Variants in DNAH8 observed in about 807,000 individuals in gnomAD.
DNAH8 encodes the protein dynein axonemal heavy chain 8, also known as axonemal beta dynein heavy chain 8.
In DNAH8, 382 loss-of-function variants were observed where a neutral mutation model predicts 562.1. The ratio of observed to expected loss-of-function variants is 0.68; its 90% CI spans 0.63 to 0.74. The LOEUF is 0.74. DNAH8 is among the 30% of genes least tolerant of loss of function. The pLI, the probability that DNAH8 is intolerant of heterozygous loss-of-function variation, is 0.00. For synonymous variants in DNAH8, 1,881 were observed against 1,919.4 expected, an observed-to-expected ratio of 0.98 and a Z score of 0.52; for missense variants, 5,203 against 5,620.4, an observed-to-expected ratio of 0.93 and a Z score of 2.37.
At chr6:38,786,989 A>G (rs764384935) in intron 18 of DNAH8, 37 bp downstream of exon 18, 110 of 1,449,250 alleles carry the variant, frequency 7.6e-5, no homozygotes, top group Non-Finnish European at 9.8e-5. Context: ...TTTTTGAAGG[A>G]GTTTTTTGGT....
chr6:39,010,005 A>G (rs745460523), intron 89 of DNAH8, among the ~76,000 whole-genome samples: 32 of 152,188 alleles, frequency 2.1e-4, no homozygotes, highest in Admixed American at 7.2e-4. Context: ...TGAAAGTGAG[A>G]TAAAACTTAC....
intron 67 of DNAH8, among the ~76,000 whole-genome samples, chr6:38,914,974 T>TTA (rs1298338013): frequency 3.3e-5 from 5 of 151,992 alleles, no homozygotes; most frequent in African/African-American, 1.2e-4. Flanking sequence ...AAATATTTAT[T>TTA]TATATATATA....
At position 38,932,001 on chromosome 6, in the gene DNAH8, C is replaced by T. The variant is rs201737266; in HGVS notation, c.11457+8C>T. On this transcript the variant is annotated splice_region_variant and intron_variant, in intron 76 of 92. Coordinates refer to ENST00000327475, the MANE Select transcript of DNAH8 (RefSeq NM_001206927.2). ...ATTCTAACAGAGAAACAGGTAATCT[C>T]TCTCTCAAGGTAAAGAATTTCTGCT... The T allele has an allele frequency of 4.5e-6, 7 of 1,539,260 alleles. No individual in the cohort carries two copies. The highest frequency in any genetic ancestry group is 4.8e-5 in the East Asian group (2 of 41,334).
At chr6:38,847,958 C>A (rs1775429817) in intron 36 of DNAH8, among the ~76,000 whole-genome samples, 1 of 152,112 alleles carries the variant, frequency 6.6e-6, no homozygotes, top group African/African-American at 2.4e-5. Context: ...GGTAGCAACC[C>A]TGGGTCTCTA....
chr6:38,893,596 G>T (rs1003465289), intron 58 of DNAH8, among the ~76,000 whole-genome samples: 7 of 152,152 alleles, frequency 4.6e-5, no homozygotes, highest in Non-Finnish European at 1.0e-4. Context: ...TAGTGGGTAG[G>T]ATGAACATTT....
intron 37 of DNAH8, 39 bp from the exon 38 acceptor site, chr6:38,850,212 C>T: frequency 1.3e-6 from 2 of 1,585,966 alleles, no homozygotes; most frequent in African/African-American, 1.4e-5. Flanking sequence ...TTTCAATTAT[C>T]CAAATGCTAA....
intron 65 of DNAH8, among the ~76,000 whole-genome samples, chr6:38,910,397 TAG>T (rs1780800478): frequency 6.6e-6 from 1 of 152,244 alleles, no homozygotes; most frequent in Non-Finnish European, 1.5e-5. Flanking sequence ...TTTTTCTGCA[TAG>T]AGAGTTTGCG....
chr6:38,998,607 C>T (rs1200039364), intron 88 of DNAH8, among the ~76,000 whole-genome samples: 1 of 152,152 alleles, frequency 6.6e-6, no homozygotes, highest in Non-Finnish European at 1.5e-5. Context: ...TGTGCAAAGA[C>T]GTATGTAAAT....
chr6:39,026,784 T>G, intron 92 of DNAH8, 117 bp downstream of exon 92: 1 of 1,125,076 alleles, frequency 8.9e-7, no homozygotes, highest in African/African-American at 1.5e-5. Context: ...GCAGTGAGGG[T>G]TCCCTCCATC....
intron 30 of DNAH8, 145 bp from the exon 31 acceptor site, chr6:38,832,177 T>G: frequency 3.3e-6 from 2 of 601,756 alleles, no homozygotes; most frequent in Non-Finnish European, 2.9e-6. Context: ...TTCATTTGGG[T>G]TATTAATATA....
chr6:38,774,313 C>T (rs765455609), intron 12 of DNAH8, among the ~76,000 whole-genome samples: 55 of 152,060 alleles, frequency 3.6e-4, no homozygotes, highest in Non-Finnish European at 5.9e-4. Flanking sequence ...CATGGTGATG[C>T]TGAGATGAGG....
At chr6:39,009,940 ATCT>A (rs1766075514) in intron 89 of DNAH8, among the ~76,000 whole-genome samples, 1 of 152,186 alleles carries the variant, frequency 6.6e-6, no homozygotes, top group African/African-American at 2.4e-5. Flanking sequence ...TATTGGTGTG[ATCT>A]TCAAAAAACA....
At chr6:38,958,894 C>A (rs1395012918) in intron 82 of DNAH8, among the ~76,000 whole-genome samples, 1 of 152,032 alleles carries the variant, frequency 6.6e-6, no homozygotes, top group Admixed American at 6.6e-5. Context: ...AAATCCTCAA[C>A]AAAATACTAG....
chr6:39,001,566 A>T (rs929065791), intron 88 of DNAH8, among the ~76,000 whole-genome samples: 1 of 152,086 alleles, frequency 6.6e-6, no homozygotes, highest in South Asian at 2.1e-4. Flanking sequence ...TCAAAGAAAT[A>T]TGAGGGGAGT....
chr6:39,020,803 A>T (rs1766867595), intron 91 of DNAH8, among the ~76,000 whole-genome samples: 1 of 152,082 alleles, frequency 6.6e-6, no homozygotes, highest in Non-Finnish European at 1.5e-5. Context: ...TTTGCCGAGG[A>T]TGATGGCTTC....
chr6:38,853,144 A>G, intron 40 of DNAH8, 42 bp from the exon 41 acceptor site: 1 of 1,541,778 alleles, frequency 6.5e-7, no homozygotes, highest in Non-Finnish European at 8.8e-7. Context: ...TAAAAATGCC[A>G]AATTATTATC....
intron 30 of DNAH8, among the ~76,000 whole-genome samples, chr6:38,829,316 G>T (rs1209497252): frequency 3.3e-5 from 5 of 152,038 alleles, no homozygotes; most frequent in Non-Finnish European, 4.4e-5. Context: ...GTCTTTTGAT[G>T]CACAAAGTTT....
At position 38,779,053 on chromosome 6, in the gene DNAH8, C is replaced by T. The variant is rs1182849794; in HGVS notation, c.2039+589C>T. Among the ~76,000 whole-genome samples, 3 of 152,280 alleles carry T rather than the reference C, an allele frequency of 2.0e-5. No homozygotes were observed. The East Asian group carries it at 5.8e-4, about 29-fold the overall frequency. ...AATCTTCTCTCCTTTAGCTTCCTTT[C>T]CCTCTATCCTAACAGCACTACTCTC... On this transcript the variant is annotated intron_variant, in intron 14 of 92. Coordinates refer to ENST00000327475, the MANE Select transcript of DNAH8 (RefSeq NM_001206927.2).
chr6:38,721,328 T>TAACA (rs1367166201), intron 1 of DNAH8, among the ~76,000 whole-genome samples: 4 of 113,048 alleles, frequency 3.5e-5, no homozygotes, highest in South Asian at 2.9e-4. Context: ...AAAATAAAAA[T>TAACA]AATAAACAAA....
Sources: allele counts gnomAD v4.1 joint callset (sites outside exome capture counted in the v4.1 genomes callset), GRCh38; gene constraint gnomAD v4.1.1; transcripts MANE v1.5; gene names NCBI Gene and HGNC (gene_info 2026-07-23, HGNC 2026-07-21).